UEVLD: variants seen among roughly 807,000 people sequenced by gnomAD.
UEVLD encodes the protein UEV and lactate/malate dehyrogenase domains.
A neutral mutation model predicts 58.6 loss-of-function variants in UEVLD; 47 were observed. That is an observed-to-expected ratio of 0.80 (90% CI 0.63 to 1.02). The LOEUF (loss-of-function observed/expected upper bound fraction) is 1.02, where lower values mean the gene tolerates loss of function less well. Ranked by LOEUF, UEVLD falls within the 50% of genes least tolerant of loss-of-function variation. UEVLD has a pLI of 0.00. For missense variants in UEVLD, 510 were observed against 550.6 expected, an observed-to-expected ratio of 0.93 and a Z score of 0.74; for synonymous variants, 197 against 195.3, an observed-to-expected ratio of 1.01 and a Z score of -0.07.
chr11:18,534,363 C>A lies in UEVLD; in HGVS notation c.1215G>T (p.Lys405Asn). 1 of 1,561,034 alleles carries A rather than the reference C, an allele frequency of 6.4e-7. No individual in the cohort carries two copies. The highest frequency in any genetic ancestry group is 8.6e-7 in the Non-Finnish European group (1 of 1,162,054). ...AAGCTGATACAGAATGCACTTTCTT[C>A]TTATTGTTTACAATACTGTCAACCA... is the stretch of plus-strand genomic sequence containing the variant. ...ADMVDSIVNNKKKVHSVSALA... is the reference protein window; with the variant it reads ...ADMVDSIVNNNKKVHSVSALA... Residue 405 changes from lysine (K) to asparagine (N), a missense_variant, in exon 11 of 12, where the codon AAG (lysine) becomes AAT (asparagine). Transcript: ENST00000396197.
Position 18,534,430 on chromosome 11 carries a change from TTTACTC to T in UEVLD, c.1142_1147del (p.Arg381_Val382del), listed in dbSNP as rs748085841. 80 of 1,575,358 alleles carry T rather than the reference TTTACTC, an allele frequency of 5.1e-5. No individual in the cohort carries two copies. The highest frequency in any genetic ancestry group is 6.7e-5 in the Non-Finnish European group (78 of 1,168,522). ...TCCAACAGACCAGGATCTTTGACCT[TTTACTC>T]TTAGCAGTTCCATGGCTCTAGGTTA... is the stretch of plus-strand genomic sequence containing the variant. On this transcript the variant is annotated inframe_deletion, in exon 11 of 12. Coordinates refer to ENST00000396197, the MANE Select transcript of UEVLD (RefSeq NM_001040697.4).
At chr11:18,533,219 T>C (rs1350348563) in intron 11 of UEVLD, among the ~76,000 whole-genome samples, 1 of 151,990 alleles carries the variant, frequency 6.6e-6, no homozygotes, top group Non-Finnish European at 1.5e-5. Context: ...AAATGTACAA[T>C]AAATTATTAA....
intron 2 of UEVLD, among the ~76,000 whole-genome samples, chr11:18,576,682 T>G (rs990886359): frequency 6.6e-6 from 1 of 152,188 alleles, no homozygotes; most frequent in African/African-American, 2.4e-5. Context: ...ATGGATCAGC[T>G]GGCACCACCC....
At chr11:18,561,884 G>C (rs1458565962) in intron 6 of UEVLD, among the ~76,000 whole-genome samples, 1 of 151,142 alleles carries the variant, frequency 6.6e-6, no homozygotes, top group Non-Finnish European at 1.5e-5. Context: ...GGGTGACTGA[G>C]CGAGACTCCA....
At chr11:18,551,529 T>C (rs913222977) in intron 7 of UEVLD, among the ~76,000 whole-genome samples, 3 of 151,878 alleles carry the variant, frequency 2.0e-5, no homozygotes, top group African/African-American at 7.3e-5. Flanking sequence ...TGTTAGGCCC[T>C]AAGAACACAA....
intron 7 of UEVLD, among the ~76,000 whole-genome samples, chr11:18,557,088 C>T (rs1383353405): frequency 8.2e-6 from 1 of 122,566 alleles, no homozygotes; most frequent in Non-Finnish European, 1.7e-5. Context: ...GAAACCCCGA[C>T]TCAAAAAAAA....
chr11:18,533,265 G>A (rs1346903398), intron 11 of UEVLD, among the ~76,000 whole-genome samples: 2 of 151,058 alleles, frequency 1.3e-5, no homozygotes, highest in Non-Finnish European at 2.9e-5. Context: ...TTGAACACTA[G>A]AATTTATTCC....
intron 3 of UEVLD, among the ~76,000 whole-genome samples, chr11:18,572,479 C>G (rs1014309362): frequency 3.3e-5 from 5 of 152,024 alleles, no homozygotes; most frequent in Non-Finnish European, 7.4e-5. Context: ...AATCATTACA[C>G]TAATAAAACT....
At chr11:18,579,894 A>G (rs1565143402) in intron 1 of UEVLD, among the ~76,000 whole-genome samples, 2 of 152,228 alleles carry the variant, frequency 1.3e-5, no homozygotes, top group Non-Finnish European at 2.9e-5. Flanking sequence ...GACTCTGAAA[A>G]CTACAGAACA....
At chr11:18,588,574 A>T in intron 1 of UEVLD, 39 bp downstream of exon 1, 3 of 1,605,562 alleles carry the variant, frequency 1.9e-6, no homozygotes, top group Non-Finnish European at 2.5e-6. Context: ...CCCCCGCAAG[A>T]CCCTGAGGAC....
chr11:18,533,993 T>A (rs1850684239), intron 11 of UEVLD, among the ~76,000 whole-genome samples: 1 of 152,198 alleles, frequency 6.6e-6, no homozygotes, highest in Admixed American at 6.5e-5. Flanking sequence ...GTGTTGTCCA[T>A]GCTGGAGTCC....
At chr11:18,584,912 T>A (rs897838064) in intron 1 of UEVLD, among the ~76,000 whole-genome samples, 6 of 152,224 alleles carry the variant, frequency 3.9e-5, no homozygotes, top group African/African-American at 1.4e-4. Context: ...ATTACAGGTG[T>A]GTGCCACCAT....
At chr11:18,554,866 G>A (rs1214127525) in intron 7 of UEVLD, among the ~76,000 whole-genome samples, 1 of 152,176 alleles carries the variant, frequency 6.6e-6, no homozygotes, top group African/African-American at 2.4e-5. Context: ...GTCAGCTGCA[G>A]TCATCTATGT....
At chr11:18,546,124 A>G (rs1338931113) in intron 8 of UEVLD, among the ~76,000 whole-genome samples, 1 of 148,846 alleles carries the variant, frequency 6.7e-6, no homozygotes, top group Non-Finnish European at 1.5e-5. Flanking sequence ...AGTACAAACT[A>G]ACTCTTTGAA....
chr11:18,557,313 G>A lies in UEVLD; in HGVS notation c.715+915C>T, dbSNP rs192625407. 2.3e-3 allele frequency among the ~76,000 whole-genome samples: 346 copies of A among 150,760 alleles called. 2 individuals carry two copies. The highest frequency in any genetic ancestry group is 3.2e-3 in the Non-Finnish European group (218 of 67,634). On this transcript the variant is annotated intron_variant, in intron 7 of 11. Transcript: ENST00000396197. The stretch of plus-strand genomic sequence containing the variant: ...ACTACAGGTGCCCGCCACCATGCCC[G>A]GCTAATTTTTTTGTATTTTTAGTAG...
chr11:18,586,552 G>C (rs565685282), intron 1 of UEVLD, among the ~76,000 whole-genome samples: 6 of 151,772 alleles, frequency 4.0e-5, no homozygotes, highest in African/African-American at 1.4e-4. Context: ...ACACGGTCTC[G>C]TTCTGTCTCC....
intron 1 of UEVLD, among the ~76,000 whole-genome samples, chr11:18,584,374 CTCTG>C (rs1397178576): frequency 2.0e-5 from 3 of 152,092 alleles, no homozygotes; most frequent in Non-Finnish European, 2.9e-5. Flanking sequence ...CGGAGCAAGG[CTCTG>C]TCTCTTTAAA....
chr11:18,558,450 AAG>A, intron 6 of UEVLD, 120 bp from the exon 7 acceptor site: 1 of 506,508 alleles, frequency 2.0e-6, no homozygotes, highest in South Asian at 4.8e-5. Flanking sequence ...TAGTGTTAAG[AAG>A]AGTAAGTAAC....
intron 6 of UEVLD, 103 bp from the exon 7 acceptor site, chr11:18,558,433 T>TAAAAGACA: frequency 1.7e-6 from 1 of 583,548 alleles, no homozygotes; most frequent in Non-Finnish European, 2.8e-6. Flanking sequence ...CCTCATACAC[T>TAAAAGACA]GTCTTTTAGT....
Sources: gnomAD v4.1 joint callset for allele counts (sites outside exome capture counted in the v4.1 genomes callset) on GRCh38, gnomAD v4.1.1 for gene constraint, MANE v1.5 for transcripts, NCBI Gene and HGNC (gene_info 2026-07-23, HGNC 2026-07-21) for gene names.